Variants in SGSM1 observed in about 807,000 individuals in gnomAD.
The protein encoded by SGSM1 is RUN and TBC1 domain containing 2.
In SGSM1, 73 loss-of-function variants were observed where a neutral mutation model predicts 133.8. The ratio of observed to expected loss-of-function variants is 0.55; its 90% CI spans 0.45 to 0.66. The LOEUF is 0.66. Among genes scored for constraint, SGSM1 ranks in the 30% least tolerant of loss-of-function variants. The pLI is 0.00. For synonymous variants in SGSM1, 563 were observed against 573.0 expected (o/e 0.98, Z 0.25); for missense variants, 1,213 against 1,448.1 (o/e 0.84, Z 2.64).
chr22:24,863,707 G>A (rs976459472), intron 9 of SGSM1, among the ~76,000 whole-genome samples: 1 of 151,674 alleles, frequency 6.6e-6, no homozygotes, highest in Non-Finnish European at 1.5e-5. Context: ...GGTGGTTTTT[G>A]TCTGAGCTTG....
intron 2 of SGSM1, among the ~76,000 whole-genome samples, chr22:24,814,638 G>A (rs544694009): frequency 9.2e-5 from 14 of 152,148 alleles, no homozygotes; most frequent in East Asian, 1.9e-4. Flanking sequence ...CAGGCACACC[G>A]CGTGGCTCAC....
At chr22:24,901,222 A>G (rs1466226180) in intron 19 of SGSM1, 2 of 152,124 alleles carry the variant, frequency 1.3e-5, no homozygotes, top group African/African-American at 4.8e-5. Context: ...CGGGCAGGCA[A>G]TTGTTTTGAG....
chr22:24,880,567 G>A (rs1383195174), intron 14 of SGSM1, among the ~76,000 whole-genome samples: 1 of 152,214 alleles, frequency 6.6e-6, no homozygotes, highest in Non-Finnish European at 1.5e-5. Flanking sequence ...CAGCAGTGGA[G>A]CTCACACCCT....
intron 2 of SGSM1, among the ~76,000 whole-genome samples, chr22:24,823,817 G>A (rs931742262): frequency 6.6e-6 from 1 of 152,006 alleles, no homozygotes; most frequent in African/African-American, 2.4e-5. Flanking sequence ...GGCTGAGGCG[G>A]GAGGATTGTT....
intron 2 of SGSM1, among the ~76,000 whole-genome samples, chr22:24,822,088 C>CTCTCTTTTTTTTTTTTTTTTT (rs1555920070): frequency 5.2e-5 from 5 of 96,128 alleles, no homozygotes; most frequent in African/African-American, 7.6e-5. Flanking sequence ...TCATCTCTCT[C>CTCTCTTTTTTTTTTTTTTTTT]TTTTTTTTTT....
At chr22:24,856,774 T>C (rs1318139701) in intron 8 of SGSM1, among the ~76,000 whole-genome samples, 4 of 151,514 alleles carry the variant, frequency 2.6e-5, no homozygotes, top group Admixed American at 6.6e-5. Flanking sequence ...TTTTCTTTTT[T>C]TTTTTTTTTT....
chr22:24,911,544 G>A (rs1933623877), intron 21 of SGSM1, among the ~76,000 whole-genome samples: 1 of 151,992 alleles, frequency 6.6e-6, no homozygotes, highest in Non-Finnish European at 1.5e-5. Context: ...TGAGAAACCT[G>A]ACAAACACGA....
At chr22:24,909,232 G>T (rs1360380215) in intron 21 of SGSM1, among the ~76,000 whole-genome samples, 1 of 152,070 alleles carries the variant, frequency 6.6e-6, no homozygotes. Flanking sequence ...CCAGGAAACT[G>T]GTGTCTGGTA....
intron 12 of SGSM1, among the ~76,000 whole-genome samples, chr22:24,876,174 G>A (rs1389941661): frequency 1.3e-5 from 2 of 152,164 alleles, no homozygotes; most frequent in Non-Finnish European, 2.9e-5. Flanking sequence ...ATTGAGTCAG[G>A]CTCCCTTCCA....
At chr22:24,891,634 T>C (rs897805708) in intron 16 of SGSM1, among the ~76,000 whole-genome samples, 8 of 152,144 alleles carry the variant, frequency 5.3e-5, no homozygotes, top group Non-Finnish European at 8.8e-5. Context: ...GAGCCCCGTA[T>C]TCAGAGCTGG....
chr22:24,909,983 T>C lies in SGSM1; in HGVS notation c.2819-2660T>C, dbSNP rs149046147. ...TTATGAATGCATAAACAAAATGTGG[T>C]ATATCCATACAATGGAATATTATTT... On this transcript the variant is annotated intron_variant, in intron 21 of 24. Coordinates refer to ENST00000400358, the MANE Select transcript of SGSM1 (RefSeq NM_001098497.3). Among the ~76,000 whole-genome samples the C allele has an allele frequency of 2.3e-3, 345 of 152,356 alleles. 2 individuals carry two copies. Among genetic ancestry groups the C allele is most frequent in the African/African-American group, 8.1e-3 (337 of 41,580 alleles).
chr22:24,873,006 T>G (rs1211906349), intron 12 of SGSM1, among the ~76,000 whole-genome samples: 11 of 151,958 alleles, frequency 7.2e-5, no homozygotes, highest in Non-Finnish European at 1.6e-4. Flanking sequence ...TTGCCCAGGC[T>G]GGAGTGCAGT....
At chr22:24,892,185 G>A (rs1245229207) in intron 16 of SGSM1, among the ~76,000 whole-genome samples, 1 of 152,106 alleles carries the variant, frequency 6.6e-6, no homozygotes, top group African/African-American at 2.4e-5. Flanking sequence ...GCAGGGCTTG[G>A]AGGAGTCTCA....
chr22:24,904,404 T>C (rs139745), intron 20 of SGSM1, among the ~76,000 whole-genome samples: 57,678 of 151,298 alleles, frequency 0.38, 11,400 homozygotes, highest in East Asian at 0.64. Flanking sequence ...CATGGTGAAA[T>C]CCCATCTCTA....
At chr22:24,835,793 C>G (rs1470675576) in intron 2 of SGSM1, among the ~76,000 whole-genome samples, 1 of 151,756 alleles carries the variant, frequency 6.6e-6, no homozygotes, top group Non-Finnish European at 1.5e-5. Context: ...AGCAGAGGGG[C>G]CTCCTTGTGT....
At chr22:24,875,769 C>T (rs571979820) in intron 12 of SGSM1, among the ~76,000 whole-genome samples, 5 of 152,156 alleles carry the variant, frequency 3.3e-5, no homozygotes, top group South Asian at 2.1e-4. Flanking sequence ...ATGTTTGTTA[C>T]GTGGTTTTGT....
intron 2 of SGSM1, among the ~76,000 whole-genome samples, chr22:24,825,312 C>T (rs1928735159): frequency 6.6e-6 from 1 of 152,184 alleles, no homozygotes; most frequent in Non-Finnish European, 1.5e-5. Context: ...CCTGTCAGAG[C>T]AGCAGAGTGA....
chr22:24,815,397 A>G (rs542420633), intron 2 of SGSM1, among the ~76,000 whole-genome samples: 174 of 152,338 alleles, frequency 1.1e-3, no homozygotes, highest in Non-Finnish European at 2.0e-3. Context: ...CTGACCAACT[A>G]AACTCAGAGG....
At chr22:24,848,912 A>G (rs139667) in intron 4 of SGSM1, among the ~76,000 whole-genome samples, 65,442 of 151,862 alleles carry the variant, frequency 0.43, 15,932 homozygotes, top group African/African-American at 0.67. Context: ...TCAGGATTTG[A>G]CTCTGTCAAC....
Sources: gnomAD v4.1 joint callset for allele counts (sites outside exome capture counted in the v4.1 genomes callset) on GRCh38, gnomAD v4.1.1 for gene constraint, MANE v1.5 for transcripts, NCBI Gene and HGNC (gene_info 2026-07-23, HGNC 2026-07-21) for gene names.